HERC1: variants seen among roughly 807,000 people sequenced by gnomAD.
The protein encoded by HERC1 is HECT and RLD domain containing E3 ubiquitin protein ligase family member 1, also known as probable E3 ubiquitin-protein ligase HERC1.
HERC1 carries 160 observed loss-of-function variants against 554.3 expected under a neutral mutation model. That is an observed-to-expected ratio of 0.29 (90% CI 0.25 to 0.33). HERC1 has a LOEUF of 0.33. Ranked by LOEUF, HERC1 falls within the 10% of genes least tolerant of loss-of-function variation. The pLI is 1.00. For synonymous variants in HERC1, 2,175 were observed against 2,131.7 expected, an observed-to-expected ratio of 1.02 and a Z score of -0.56; for missense variants, 4,919 against 5,918.5, an observed-to-expected ratio of 0.83 and a Z score of 5.54.
intron 1 of HERC1, among the ~76,000 whole-genome samples, chr15:63,796,674 C>T (rs746458171): frequency 1.3e-5 from 2 of 152,176 alleles, no homozygotes; most frequent in Non-Finnish European, 2.9e-5. Flanking sequence ...TCAATCAATA[C>T]TTGTAAAATG....
At chr15:63,626,217 G>T (rs2152777840) in intron 70 of HERC1, 63 bp from the exon 71 acceptor site, 1 of 1,537,518 alleles carries the variant, frequency 6.5e-7, no homozygotes, top group South Asian at 1.2e-5. Context: ...TTCACATTTT[G>T]AAAAATTTCA....
At position 63,622,909 on chromosome 15, in the gene HERC1, A is replaced by C. The variant is rs751181141; in HGVS notation, c.13612-18T>G. On this transcript the variant is annotated intron_variant, in intron 73 of 77. Coordinates refer to ENST00000443617, the MANE Select transcript of HERC1 (RefSeq NM_003922.4). ...TCAAGTTCCTGCAGAAGAAAGAAAA[A>C]AATTTTTTGAGAAATGACAATCAAA... 5 of 1,552,400 alleles carry C rather than the reference A, an allele frequency of 3.2e-6. No homozygotes were observed. In the South Asian group the frequency reaches 6.1e-5, roughly 19 times the overall value.
intron 69 of HERC1, among the ~76,000 whole-genome samples, chr15:63,629,754 T>C (rs1032671735): frequency 1.4e-4 from 22 of 152,174 alleles, no homozygotes; most frequent in African/African-American, 5.3e-4. Context: ...ATATGAATAA[T>C]GCTAGACCTT....
Position 63,654,317 on chromosome 15 carries a change from C to T in HERC1, c.10092G>A (p.Leu3364=). ...DKSEVEKKGP[L]ELANALAACC... Reference sequence around the variant, plus strand: ...AGGCTGCCAGGGCATTAGCCAACTCCAGAGGGCCTACAGCAGAAGGATCAT... The same window carrying T: ...AGGCTGCCAGGGCATTAGCCAACTCTAGAGGGCCTACAGCAGAAGGATCAT... Residue 3364 remains leucine (L), a synonymous_variant, in exon 51 of 78, where the codon CTG becomes CTA. Transcript: ENST00000443617. 1.9e-6 allele frequency: 3 copies of T among 1,612,520 alleles called. No individual in the cohort carries two copies. The highest frequency in any genetic ancestry group is 2.5e-6 in the Non-Finnish European group (3 of 1,179,028).
chr15:63,723,589 T>C (rs2073913991), intron 18 of HERC1, among the ~76,000 whole-genome samples: 1 of 152,200 alleles, frequency 6.6e-6, no homozygotes, highest in Non-Finnish European at 1.5e-5. Context: ...AAACCTCTGG[T>C]ATTTTGCAGT....
rs574440129 is a variant in HERC1 at position 63,716,286 on chromosome 15, A to G, written c.4150+16T>C. On this transcript the variant is annotated intron_variant, in intron 22 of 77. Transcript: ENST00000443617. ...TGCCACAGTTTGTATCTAGAAAGTA[A>G]GAAGGGTATACTCACTGCCAGCTGT... The G allele has an allele frequency of 3.2e-5, 51 of 1,588,548 alleles. No individual in the cohort carries two copies. In the East Asian group the frequency reaches 9.4e-4, roughly 29 times the overall value.
chr15:63,736,359 T>C (rs553147056), intron 12 of HERC1, among the ~76,000 whole-genome samples: 70 of 152,360 alleles, frequency 4.6e-4, no homozygotes, highest in African/African-American at 1.6e-3. Flanking sequence ...ATTCTGAATA[T>C]TGAGACTTCT....
At chr15:63,633,786 C>G (rs761357549) in intron 67 of HERC1, 62 bp downstream of exon 67, 16 of 1,529,254 alleles carry the variant, frequency 1.0e-5, no homozygotes, top group Admixed American at 7.7e-5. Context: ...CTAATAATAA[C>G]TACTGACATA....
chr15:63,798,705 C>T (rs945790704), intron 1 of HERC1, among the ~76,000 whole-genome samples: 2 of 152,132 alleles, frequency 1.3e-5, no homozygotes, highest in African/African-American at 4.8e-5. Flanking sequence ...GAATGGATTC[C>T]ACCTTATTTT....
intron 26 of HERC1, 71 bp from the exon 27 acceptor site, chr15:63,696,410 C>A (rs2072415599): frequency 9.3e-7 from 1 of 1,079,420 alleles, no homozygotes; most frequent in East Asian, 2.6e-5. Context: ...ATGCCAAAAA[C>A]AGTATTTTTA....
chr15:63,692,561 G>C lies in HERC1; in HGVS notation c.5680C>G (p.Leu1894Val). 1 of 1,605,360 alleles carries C rather than the reference G, an allele frequency of 6.2e-7. No homozygotes were observed. Among genetic ancestry groups the C allele is most frequent in the Non-Finnish European group, 8.5e-7 (1 of 1,177,084 alleles). The change falls in exon 31 of 78, where the codon CTT becomes GTT. Residue 1894 changes from leucine to valine, a missense_variant. Leu to Val is a conservative substitution (Grantham distance 32). Transcript: ENST00000443617. This position sits in a 1 kb window ranked among gnomAD's most constrained non-coding sequence, Gnocchi z 4.7. ...AGTTCGGCTGCATGTTGTTTCCTAA[G>C]AGCAGCTACAGTGAAGAGACAAGTT... ...ETEKKDFRAA[L>V]RKQHAAELHL...
intron 16 of HERC1, among the ~76,000 whole-genome samples, chr15:63,728,066 C>A (rs143369302): frequency 1.3e-3 from 202 of 152,234 alleles, no homozygotes; most frequent in African/African-American, 4.7e-3. Flanking sequence ...CCAACAAATT[C>A]AAAGGATTAA....
chr15:63,637,623 A>G lies in HERC1; in HGVS notation c.12114T>C (p.Cys4038=), dbSNP rs2068838980. The change falls in exon 64 of 78, where the codon TGT becomes TGC. Residue 4038 remains cysteine (C), a synonymous_variant. Coordinates refer to ENST00000443617, the MANE Select transcript of HERC1 (RefSeq NM_003922.4). ...TGCCATTGGCCTGGATGACAAAGGTACAATTCTGACCACAAATGACCTAGT... is the reference window on the plus strand; with the variant it reads ...TGCCATTGGCCTGGATGACAAAGGTGCAATTCTGACCACAAATGACCTAGT... ...QAQQVICGQN[C]TFVIQANGTV... 1.3e-6 allele frequency: 2 copies of G among 1,551,918 alleles called. No homozygotes were observed. The highest frequency in any genetic ancestry group is 1.4e-5 in the African/African-American group (1 of 73,212).
intron 77 of HERC1, among the ~76,000 whole-genome samples, chr15:63,609,788 G>T (rs893949509): frequency 1.3e-5 from 2 of 152,180 alleles, no homozygotes; most frequent in South Asian, 2.1e-4. Context: ...GCCTCGCACA[G>T]CTCACATAAG....
Position 63,658,662 on chromosome 15 carries a change from C to T in HERC1, c.9481G>A (p.Ala3161Thr), listed in dbSNP as rs1203261591. Residue 3161 changes from alanine (A) to threonine (T), a missense_variant, in exon 48 of 78, where the codon GCA (alanine) becomes ACA (threonine). Ala to Thr is a moderately conservative substitution (Grantham distance 58). Around this residue, in one of 11 missense-constraint regions of HERC1, gnomAD observed 1,963 missense variants for 2,228.6 expected, o/e 0.88. Coordinates refer to ENST00000443617, the MANE Select transcript of HERC1 (RefSeq NM_003922.4). ...SSGRITLGEQ[A>T]AALANPHDRV... The stretch of plus-strand genomic sequence containing the variant: ...TCATGAGGGTTTGCTAGGGCAGCTG[C>T]CTGCTCTCCTAACGTTATTCTCCCA... 2 of 1,613,924 alleles carry T rather than the reference C, an allele frequency of 1.2e-6. No homozygotes were observed. Among genetic ancestry groups the T allele is most frequent in the Admixed American group, 3.3e-5 (2 of 60,024 alleles).
intron 1 of HERC1, among the ~76,000 whole-genome samples, chr15:63,790,778 CTTT>C (rs375859669): frequency 1.6e-5 from 2 of 128,600 alleles, no homozygotes; most frequent in Admixed American, 1.6e-4. Flanking sequence ...GTAGGGTTTT[CTTT>C]TTTTTTTTTT....
intron 13 of HERC1, 31 bp from the exon 14 acceptor site, chr15:63,733,176 T>G (rs760486609): frequency 1.4e-6 from 2 of 1,383,744 alleles, no homozygotes; most frequent in Non-Finnish European, 2.1e-6. Context: ...AACAAGTAAC[T>G]AGCGTAATAT....
intron 75 of HERC1, 105 bp from the exon 76 acceptor site, chr15:63,616,025 G>A: frequency 7.0e-6 from 7 of 994,140 alleles, no homozygotes; most frequent in Non-Finnish European, 8.8e-6. Context: ...CAATTTTTAA[G>A]GATAAAAACA....
Position 63,696,229 on chromosome 15 carries a change from T to A in HERC1, c.5016A>T (p.Thr1672=). The change falls in exon 27 of 78, where the codon ACA becomes ACT. Residue 1672 remains threonine, a synonymous_variant. Coordinates refer to ENST00000443617, the MANE Select transcript of HERC1 (RefSeq NM_003922.4). Reference sequence around the variant, plus strand: ...ACTGCAGCCTCACAGACGTGAGTAGTGTGGAGGACTGGAAGCCTGAACTCA... The same window carrying A: ...ACTGCAGCCTCACAGACGTGAGTAGAGTGGAGGACTGGAAGCCTGAACTCA... ...SRLSSGFQSS[T]LLTSVRLQFL... The A allele has an allele frequency of 6.2e-7, 1 of 1,613,410 alleles. No homozygotes were observed. Among genetic ancestry groups the A allele is most frequent in the Non-Finnish European group, 8.5e-7 (1 of 1,179,652 alleles).
Sources: allele counts gnomAD v4.1 joint callset (sites outside exome capture counted in the v4.1 genomes callset), GRCh38; gene constraint gnomAD v4.1.1; regional missense constraint gnomAD v4.1.1; non-coding constraint Gnocchi (gnomAD v3.1); transcripts MANE v1.5; gene names NCBI Gene and HGNC (gene_info 2026-07-23, HGNC 2026-07-21).